The following RTN4 variants were observed in gnomAD, a reference collection of about 807,000 sequenced individuals.
RTN4 encodes reticulon 4.
Under a neutral mutation model 90.4 loss-of-function variants are expected in RTN4, and 32 were observed. That is an observed-to-expected ratio of 0.35 (90% confidence interval 0.27 to 0.48). The LOEUF (loss-of-function observed/expected upper bound fraction) is 0.48. Ranked by LOEUF, RTN4 falls within the 20% of genes least tolerant of loss-of-function variation. RTN4 has a pLI of 0.99. For synonymous variants in RTN4, 629 were observed against 552.5 expected (o/e 1.14, Z -1.94); for missense variants, 1,706 against 1,430.2 (o/e 1.19, Z -3.11).
At chr2:55,127,266 A>G in the RTN4 span, among the ~76,000 whole-genome samples, 1 of 152,198 alleles carries the variant, frequency 6.6e-6, no homozygotes, top group African/African-American at 2.4e-5. Flanking sequence ...GTTCTTCAGA[A>G]CAAGACAGGA....
At chr2:55,039,518 C>T (rs1219739738) in intron 1 of RTN4, among the ~76,000 whole-genome samples, 3 of 152,180 alleles carry the variant, frequency 2.0e-5, no homozygotes, top group Non-Finnish European at 4.4e-5. Flanking sequence ...GCCAGGCGCG[C>T]TCGCTCACAC....
At chr2:54,990,591 A>G (rs1573314012) in intron 3 of RTN4, among the ~76,000 whole-genome samples, 1 of 152,188 alleles carries the variant, frequency 6.6e-6, no homozygotes, top group East Asian at 1.9e-4. Flanking sequence ...GTAAATACAT[A>G]AAGAAGAAAA....
rs190857731 is a variant in RTN4, at chr2:54,981,266, A to C, written c.3360+1249T>G. On this transcript the variant is annotated intron_variant, in intron 5 of 8. Transcript: ENST00000337526. ...ATAACGTATCAACTACTAGGTTATA[A>C]AGGCTAAAATGTTTTTGTTTTTTTT... 3.9e-4 allele frequency among the ~76,000 whole-genome samples: 59 copies of C among 151,982 alleles called. 1 individual carries two copies. The highest frequency in any genetic ancestry group is 1.3e-3 in the African/African-American group (53 of 41,288).
chr2:54,973,138 T>TA lies in RTN4; in HGVS notation c.*17dup. ...ATCCCCTTTAAAGATGAACTCCTAC[T>TA]AATTATTTTGGGCGTTTTCATTCAG... is the stretch of plus-strand genomic sequence containing the variant. On this transcript the variant is annotated 3_prime_UTR_variant, in exon 9 of 9. Coordinates refer to ENST00000337526, the MANE Select transcript of RTN4 (RefSeq NM_020532.5). 1 of 1,598,744 alleles carries TA rather than the reference T, an allele frequency of 6.3e-7. No individual in the cohort carries two copies. The highest frequency in any genetic ancestry group is 8.6e-7 in the Non-Finnish European group (1 of 1,167,380).
intron 3 of RTN4, among the ~76,000 whole-genome samples, chr2:54,997,432 A>G (rs548222720): frequency 1.3e-5 from 2 of 152,342 alleles, no homozygotes; most frequent in South Asian, 4.1e-4. Flanking sequence ...AGCCACTGTG[A>G]AAAACAATTT....
intron 1 of RTN4, chr2:55,049,023 T>G: frequency 1.2e-6 from 1 of 817,978 alleles, no homozygotes; most frequent in Non-Finnish European, 1.5e-6. Flanking sequence ...TCGGTTTAGC[T>G]GGTGGGGAGC....
At chr2:55,129,939 A>G in the RTN4 span, among the ~76,000 whole-genome samples, 1 of 152,248 alleles carries the variant, frequency 6.6e-6, no homozygotes, top group South Asian at 2.1e-4. Context: ...AGTTAGGAGG[A>G]CAATTAGGTT....
intron 5 of RTN4, among the ~76,000 whole-genome samples, chr2:54,978,533 A>C (rs1677856147): frequency 6.6e-6 from 1 of 152,264 alleles, no homozygotes; most frequent in South Asian, 2.1e-4. Flanking sequence ...GCATTTATGA[A>C]GACAATGAGT....
intron 1 of RTN4, among the ~76,000 whole-genome samples, chr2:55,091,248 G>A (rs886412066): frequency 6.6e-6 from 1 of 152,122 alleles, no homozygotes; most frequent in Admixed American, 6.5e-5. Context: ...GGCCTAGGGG[G>A]CCCCACGTGA....
At chr2:54,976,616 G>A (rs1157002271) in intron 5 of RTN4, among the ~76,000 whole-genome samples, 5 of 152,056 alleles carry the variant, frequency 3.3e-5, no homozygotes, top group African/African-American at 7.3e-5. Flanking sequence ...TGAATACTTC[G>A]GCGGCCCAAA....
At chr2:55,060,731 G>C (rs1226570015) in intron 2 of RTN4, 1 of 152,240 alleles carries the variant, frequency 6.6e-6, no homozygotes, top group Non-Finnish European at 1.5e-5. Context: ...GACCAGCCTG[G>C]GTAACATGGC....
At chr2:55,014,960 A>C (rs968708406) in intron 3 of RTN4, among the ~76,000 whole-genome samples, 1 of 152,208 alleles carries the variant, frequency 6.6e-6, no homozygotes, top group African/African-American at 2.4e-5. Flanking sequence ...TAGTAGTATG[A>C]TTAAAGCATT....
At chr2:55,009,975 T>G in intron 3 of RTN4, 1 of 1,207,736 alleles carries the variant, frequency 8.3e-7, no homozygotes, top group Non-Finnish European at 1.2e-6. Flanking sequence ...AGACTTCAAC[T>G]CTTCAGAGGT....
At chr2:55,017,945 C>G (rs1681162329) in intron 3 of RTN4, among the ~76,000 whole-genome samples, 1 of 152,116 alleles carries the variant, frequency 6.6e-6, no homozygotes. Context: ...ATTCCAAAAC[C>G]AGGAAATAAC....
intron 3 of RTN4, among the ~76,000 whole-genome samples, chr2:55,022,036 A>T (rs1294812527): frequency 1.3e-5 from 2 of 152,228 alleles, no homozygotes; most frequent in African/African-American, 2.4e-5. Flanking sequence ...AAGCTTTCAA[A>T]GGCAATGCCC....
chr2:55,049,682 G>A (rs1573478346), intron 1 of RTN4, 63 bp downstream of exon 1: 1 of 1,479,796 alleles, frequency 6.8e-7, no homozygotes, highest in Non-Finnish European at 9.0e-7. Context: ...AAGCATCTGG[G>A]GCTGCACACA....
chr2:55,061,910 T>C (rs773914786), intron 2 of RTN4, among the ~76,000 whole-genome samples: 1 of 151,938 alleles, frequency 6.6e-6, no homozygotes, highest in Non-Finnish European at 1.5e-5. Context: ...CCTGTGCCTA[T>C]AAAAACCCGA....
intron 1 of RTN4, among the ~76,000 whole-genome samples, chr2:55,046,343 C>T (rs1300030010): frequency 6.6e-6 from 1 of 152,182 alleles, no homozygotes; most frequent in African/African-American, 2.4e-5. Flanking sequence ...CCCCAATGAT[C>T]TGGGTGGGTA....
At chr2:55,004,060 A>G (rs868205702) in intron 3 of RTN4, among the ~76,000 whole-genome samples, 2 of 152,160 alleles carry the variant, frequency 1.3e-5, no homozygotes, top group African/African-American at 4.8e-5. Context: ...ATGTAATCCA[A>G]TCCTGAAAGA....
Sources: gnomAD v4.1 joint callset for allele counts (sites outside exome capture counted in the v4.1 genomes callset) on GRCh38, gnomAD v4.1.1 for gene constraint, MANE v1.5 for transcripts, NCBI Gene and HGNC (gene_info 2026-07-23, HGNC 2026-07-21) for gene names.